PPARGC1A: variants seen among roughly 807,000 people sequenced by gnomAD.
The protein encoded by PPARGC1A is PPARG coactivator 1 alpha.
In PPARGC1A, 25 loss-of-function variants were observed where a neutral mutation model predicts 88.7. The ratio of observed to expected loss-of-function variants is 0.28; its 90% CI spans 0.21 to 0.39. The LOEUF (loss-of-function observed/expected upper bound fraction) is 0.39. Ranked by LOEUF, PPARGC1A falls within the 10% of genes least tolerant of loss-of-function variation. The pLI is 1.00. For synonymous variants in PPARGC1A, 363 were observed against 355.6 expected (o/e 1.02, Z -0.24); for missense variants, 880 against 968.7 (o/e 0.91, Z 1.22).
At chr4:24,060,515 G>A in the PPARGC1A span, among the ~76,000 whole-genome samples, 1 of 152,078 alleles carries the variant, frequency 6.6e-6, no homozygotes, top group Non-Finnish European at 1.5e-5. Flanking sequence ...ATTTTTAAAA[G>A]TACTTTTGTA....
At chr4:23,982,452 T>G in the PPARGC1A span, among the ~76,000 whole-genome samples, 1 of 152,084 alleles carries the variant, frequency 6.6e-6, no homozygotes, top group African/African-American at 2.4e-5. Flanking sequence ...TGCCTGGAAG[T>G]TGAAAATGTC....
the PPARGC1A span, among the ~76,000 whole-genome samples, chr4:23,970,814 T>C: frequency 6.6e-6 from 1 of 152,208 alleles, no homozygotes; most frequent in Non-Finnish European, 1.5e-5. Flanking sequence ...ACGATTTTCA[T>C]TAAAGGTCAA....
At chr4:24,370,713 T>C in the PPARGC1A span, among the ~76,000 whole-genome samples, 1 of 145,676 alleles carries the variant, frequency 6.9e-6, no homozygotes. Context: ...CACTCCATTC[T>C]CTTCTCATCT....
In PPARGC1A at chr4:23,824,218, A is replaced by T. The variant is rs374657424; in HGVS notation, c.877+62T>A. ...CATAGACAGTACACTCTGTTATCTT[A>T]TTACACACACACACATATACAGACA... On this transcript the variant is annotated intron_variant, in intron 7 of 12. Transcript: ENST00000264867. 6 of 1,378,938 alleles carry T rather than the reference A, an allele frequency of 4.4e-6. No homozygotes were observed. The African/African-American group carries it at 8.6e-5, about 20-fold the overall frequency. The allele number at this position is 1,378,938 out of a possible 1,614,324, so 85.4% of individuals were successfully genotyped here.
chr4:24,050,499 A>G, the PPARGC1A span, among the ~76,000 whole-genome samples: 1 of 151,858 alleles, frequency 6.6e-6, no homozygotes, highest in African/African-American at 2.4e-5. Context: ...CCTGGCTTTT[A>G]TGTGACTTTC....
the PPARGC1A span, among the ~76,000 whole-genome samples, chr4:24,304,849 G>T: frequency 0.011 from 1,650 of 152,182 alleles, 12 homozygotes; most frequent in Admixed American, 0.027. Flanking sequence ...AAGGTCTAAG[G>T]CAAAGTCATG....
At chr4:24,233,585 T>TACACACAC in the PPARGC1A span, among the ~76,000 whole-genome samples, 10 of 149,216 alleles carry the variant, frequency 6.7e-5, no homozygotes, top group African/African-American at 9.9e-5. Context: ...CACAAACACA[T>TACACACAC]ACACACACAC....
At chr4:24,295,712 CAT>C in the PPARGC1A span, among the ~76,000 whole-genome samples, 1 of 149,382 alleles carries the variant, frequency 6.7e-6, no homozygotes, top group Non-Finnish European at 1.5e-5. Context: ...ATTATATACA[CAT>C]ATACGTATTA....
chr4:23,947,386 TATATATATATA>T, the PPARGC1A span, among the ~76,000 whole-genome samples: 2 of 10,966 alleles, frequency 1.8e-4, no homozygotes, highest in African/African-American at 4.1e-4. Flanking sequence ...TATATATATA[TATATATATATA>T]AAAAAAACGG....
chr4:24,210,643 A>G, the PPARGC1A span, among the ~76,000 whole-genome samples: 2 of 152,242 alleles, frequency 1.3e-5, no homozygotes, highest in South Asian at 2.1e-4. Flanking sequence ...GCTGACGTCA[A>G]ATTGCAAGGG....
At chr4:24,010,154 C>A in the PPARGC1A span, among the ~76,000 whole-genome samples, 1 of 152,160 alleles carries the variant, frequency 6.6e-6, no homozygotes, top group Admixed American at 6.5e-5. Flanking sequence ...TGTTCTTAGG[C>A]AAGTCCTTAA....
chr4:24,003,395 G>A, the PPARGC1A span, among the ~76,000 whole-genome samples: 1 of 152,144 alleles, frequency 6.6e-6, no homozygotes, highest in East Asian at 1.9e-4. Context: ...AACAGATGTA[G>A]AATAGATGAA....
At chr4:23,824,834 G>A (rs922896461) in intron 5 of PPARGC1A, among the ~76,000 whole-genome samples, 5 of 152,026 alleles carry the variant, frequency 3.3e-5, no homozygotes, top group African/African-American at 9.7e-5. Context: ...TACAGTACAC[G>A]GTTTGTTTAG....
intron 2 of PPARGC1A, among the ~76,000 whole-genome samples, chr4:23,849,535 T>C (rs1728906375): frequency 6.6e-6 from 1 of 152,034 alleles, no homozygotes; most frequent in African/African-American, 2.4e-5. Context: ...CACTGAATCA[T>C]AGCAAATATA....
chr4:24,209,723 A>C, the PPARGC1A span, among the ~76,000 whole-genome samples: 36 of 152,336 alleles, frequency 2.4e-4, no homozygotes, highest in East Asian at 4.8e-3. Flanking sequence ...TTCCATTCAT[A>C]TCTCTGCATC....
the PPARGC1A span, among the ~76,000 whole-genome samples, chr4:24,384,821 T>C: frequency 1.3e-5 from 2 of 152,120 alleles, no homozygotes; most frequent in Non-Finnish European, 2.9e-5. Context: ...ATTGTCAATA[T>C]TAGACAGATC....
chr4:23,852,879 T>C (rs1362666947), intron 2 of PPARGC1A, among the ~76,000 whole-genome samples: 3 of 152,174 alleles, frequency 2.0e-5, no homozygotes, highest in African/African-American at 7.2e-5. Flanking sequence ...TGTTTGCACA[T>C]GTATTTGTAC....
At chr4:24,367,089 C>T in the PPARGC1A span, among the ~76,000 whole-genome samples, 1 of 152,278 alleles carries the variant, frequency 6.6e-6, no homozygotes, top group South Asian at 2.1e-4. Flanking sequence ...GACTTCCCTC[C>T]TTTTGAAAAG....
At chr4:24,228,368 T>G in the PPARGC1A span, among the ~76,000 whole-genome samples, 3 of 152,188 alleles carry the variant, frequency 2.0e-5, no homozygotes, top group Admixed American at 1.3e-4. Flanking sequence ...TGGAGGCCAC[T>G]GACCTAAGCA....
Sources: gnomAD v4.1 joint callset for allele counts (sites outside exome capture counted in the v4.1 genomes callset) on GRCh38, gnomAD v4.1.1 for gene constraint, MANE v1.5 for transcripts, NCBI Gene and HGNC (gene_info 2026-07-23, HGNC 2026-07-21) for gene names.